Variants in PPP2R2D observed in about 807,000 individuals in gnomAD.
PPP2R2D encodes serine/threonine-protein phosphatase 2A 55 kDa regulatory subunit B delta isoform.
A neutral mutation model predicts 31.1 loss-of-function variants in PPP2R2D; 9 were observed. The ratio of observed to expected loss-of-function variants is 0.29; its 90% CI spans 0.17 to 0.51. The LOEUF is 0.51. PPP2R2D is among the 20% of genes least tolerant of loss of function. PPP2R2D has a pLI of 0.98. For missense variants in PPP2R2D, 391 were observed against 465.6 expected (o/e 0.84, Z 1.48); for synonymous variants, 179 against 172.6 (o/e 1.04, Z -0.29).
At chr10:131,920,188 C>T (rs535978490) in intron 2 of PPP2R2D, among the ~76,000 whole-genome samples, 2 of 136,304 alleles carry the variant, frequency 1.5e-5, no homozygotes, top group African/African-American at 5.7e-5. Context: ...AGGGACCTGA[C>T]GTGGGTGGAA....
chr10:131,944,549 G>C (rs562108906), intron 6 of PPP2R2D, among the ~76,000 whole-genome samples: 22 of 152,030 alleles, frequency 1.4e-4, no homozygotes, highest in Non-Finnish European at 3.1e-4. Context: ...TAGAACCTGT[G>C]TTCTTCTGTG....
At chr10:131,917,771 A>G (rs1478459516) in intron 2 of PPP2R2D, among the ~76,000 whole-genome samples, 8 of 108,800 alleles carry the variant, frequency 7.4e-5, no homozygotes, top group Admixed American at 9.2e-5. Context: ...AGGCGGGTGG[A>G]ATGACACAGT....
chr10:131,923,491 A>G (rs2036034144), intron 2 of PPP2R2D, among the ~76,000 whole-genome samples: 1 of 152,156 alleles, frequency 6.6e-6, no homozygotes, highest in Non-Finnish European at 1.5e-5. Flanking sequence ...GTCATATGGC[A>G]ACTGTGTTTA....
chr10:131,970,478 G>T, the PPP2R2D span: 1 of 1,088,404 alleles, frequency 9.2e-7, no homozygotes, highest in Non-Finnish European at 1.3e-6. This position sits in a 1 kb window ranked among gnomAD's most constrained non-coding sequence, Gnocchi z 4.1. Flanking sequence ...GCAGGCTGGT[G>T]GTTTCTGGAC....
intron 2 of PPP2R2D, among the ~76,000 whole-genome samples, chr10:131,906,811 C>T (rs2035595237): frequency 1.3e-5 from 2 of 149,834 alleles, no homozygotes; most frequent in East Asian, 3.9e-4. Context: ...TATGGTAGTA[C>T]ACACCTGTAG....
intron 2 of PPP2R2D, among the ~76,000 whole-genome samples, 168 bp downstream of exon 2, chr10:131,901,498 C>T (rs1334921480): frequency 1.3e-5 from 2 of 151,722 alleles, no homozygotes; most frequent in East Asian, 2.0e-4. Flanking sequence ...GGGCGGCCGT[C>T]CTCTGTCCGC....
intron 2 of PPP2R2D, among the ~76,000 whole-genome samples, chr10:131,929,683 C>A (rs912864083): frequency 6.6e-6 from 1 of 152,130 alleles, no homozygotes; most frequent in Admixed American, 6.5e-5. Context: ...CACAGCAGCT[C>A]CCGGCTGTGC....
the PPP2R2D span, among the ~76,000 whole-genome samples, chr10:131,965,239 G>A: frequency 2.0e-5 from 3 of 152,098 alleles, no homozygotes; most frequent in Non-Finnish European, 4.4e-5. Context: ...CCTCTCTACT[G>A]AGCAATGTGG....
intron 2 of PPP2R2D, among the ~76,000 whole-genome samples, chr10:131,914,170 A>G (rs1364325534): frequency 1.3e-5 from 2 of 152,236 alleles, no homozygotes; most frequent in Admixed American, 6.5e-5. Flanking sequence ...GGTGGTGAGT[A>G]AAAGAGTTAA....
intron 3 of PPP2R2D, among the ~76,000 whole-genome samples, chr10:131,938,916 A>C (rs67378218): frequency 0.28 from 42,512 of 152,086 alleles, 6,055 homozygotes; most frequent in East Asian, 0.45. Flanking sequence ...CTCAGCAGAC[A>C]CTTTCTCTCC....
At chr10:131,917,179 C>T (rs11146261) in intron 2 of PPP2R2D, among the ~76,000 whole-genome samples, 3,533 of 50,348 alleles carry the variant, frequency 0.07, 29 homozygotes, top group East Asian at 0.13. Context: ...AATGACACAG[C>T]GTTTGTAGGG....
In PPP2R2D at chr10:131,945,293, A is replaced by T; in HGVS notation, c.656-2A>T. On this transcript the variant is annotated splice_acceptor_variant, in intron 6 of 8. Coordinates refer to ENST00000455566, the MANE Select transcript of PPP2R2D (RefSeq NM_018461.5). LOFTEE classifies it high-confidence loss of function. The surrounding 1 kb of genome is among the most constrained non-coding windows in gnomAD (Gnocchi z 4.8). ...CACTGTGCCTTAACCATGCACTCCCAGACATCGTGGACATCAAGCCTGCTA... is the reference window on the plus strand; with the variant it reads ...CACTGTGCCTTAACCATGCACTCCCTGACATCGTGGACATCAAGCCTGCTA... 6.2e-7 allele frequency: 1 copy of T among 1,612,734 alleles called. No individual in the cohort carries two copies.
Position 131,901,042 on chromosome 10 carries a change from C to CGGCGCCGGCGGTGGT in PPP2R2D, c.-102_-88dup, listed in dbSNP as rs1303175666. The CGGCGCCGGCGGTGGT allele has an allele frequency of 2.5e-5, 4 of 160,568 alleles. No individual in the cohort carries two copies. The highest frequency in any genetic ancestry group is 3.7e-4 in the East Asian group (2 of 5,408). The allele number at this position is 160,568 out of a possible 1,614,324, so 9.9% of individuals were successfully genotyped here. On this transcript the variant is annotated 5_prime_UTR_variant, in exon 1 of 9. Transcript: ENST00000455566. ...TCCCCGGCGGCGGCGGCGGCGGCGG[C>CGGCGCCGGCGGTGGT]GGCGCCGGCGGTGGTGGCGGCCCCG... is the stretch of plus-strand genomic sequence containing the variant.
At chr10:131,944,262 C>T (rs1486950946) in intron 6 of PPP2R2D, 117 bp downstream of exon 6, 5 of 751,300 alleles carry the variant, frequency 6.7e-6, no homozygotes, top group East Asian at 2.7e-5. Context: ...ACCATCACTG[C>T]ACAGCAGCCT....
At chr10:131,926,105 G>A (rs1406265552) in intron 2 of PPP2R2D, among the ~76,000 whole-genome samples, 1 of 152,184 alleles carries the variant, frequency 6.6e-6, no homozygotes, top group Non-Finnish European at 1.5e-5. Flanking sequence ...CTGTTTGCCT[G>A]TGTATTGCAT....
In PPP2R2D at chr10:131,955,784, C is replaced by T. The variant is rs868909200; in HGVS notation, c.1183C>T (p.Arg395Cys). 8 of 1,593,752 alleles carry T rather than the reference C, an allele frequency of 5.0e-6. No homozygotes were observed. The highest frequency in any genetic ancestry group is 1.3e-5 in the African/African-American group (1 of 74,274). Reference sequence around the variant, plus strand: ...GGCCTCGAGAGAGAGCAGCAAACCGCGCGCCAGCCTCAAACCCCGGAAGGT... The same window carrying T: ...GGCCTCGAGAGAGAGCAGCAAACCGTGCGCCAGCCTCAAACCCCGGAAGGT... The part of the protein sequence containing the change: ...LEASRESSKP[R>C]ASLKPRKVCT... The change falls in exon 9 of 9, where the codon CGC (arginine) becomes TGC (cysteine). Residue 395 changes from arginine to cysteine, a missense_variant. Around this residue, in one of 3 missense-constraint regions of PPP2R2D, gnomAD observed 163 missense variants for 179.5 expected, o/e 0.91. Coordinates refer to ENST00000455566, the MANE Select transcript of PPP2R2D (RefSeq NM_018461.5).
Position 131,945,030 on chromosome 10 carries a change from C to T in PPP2R2D, c.656-265C>T, listed in dbSNP as rs1297340315. Among the ~76,000 whole-genome samples, 1 of 152,126 alleles carries T rather than the reference C, an allele frequency of 6.6e-6. No homozygotes were observed. Among genetic ancestry groups the T allele is most frequent in the Non-Finnish European group, 1.5e-5 (1 of 68,028 alleles). ...TTGCTATTAAGGGCTTTCTGTATAACATTAATAATAGCAGCAAGATGAAAG... is the reference window on the plus strand; with the variant it reads ...TTGCTATTAAGGGCTTTCTGTATAATATTAATAATAGCAGCAAGATGAAAG... On this transcript the variant is annotated intron_variant, in intron 6 of 8. Transcript: ENST00000455566. This position sits in a 1 kb window ranked among gnomAD's most constrained non-coding sequence, Gnocchi z 4.8.
chr10:131,963,745 T>G (rs1554901819), downstream of PPP2R2D, among the ~76,000 whole-genome samples: 2 of 151,288 alleles, frequency 1.3e-5, no homozygotes, highest in Non-Finnish European at 3.0e-5. Flanking sequence ...AAAAGGTATC[T>G]TCTATTTATT....
At chr10:131,904,764 C>T (rs2035555899) in intron 2 of PPP2R2D, among the ~76,000 whole-genome samples, 1 of 152,146 alleles carries the variant, frequency 6.6e-6, no homozygotes, top group African/African-American at 2.4e-5. Flanking sequence ...TGGGTCCTCT[C>T]CTGACTTCAG....
Sources: allele counts gnomAD v4.1 joint callset (sites outside exome capture counted in the v4.1 genomes callset), GRCh38; gene constraint gnomAD v4.1.1; regional missense constraint gnomAD v4.1.1; non-coding constraint Gnocchi (gnomAD v3.1); transcripts MANE v1.5; gene names NCBI Gene and HGNC (gene_info 2026-07-23, HGNC 2026-07-21).